ASIC2: variants seen among roughly 807,000 people sequenced by gnomAD.
The protein encoded by ASIC2 is acid sensing ion channel subunit 2.
Under a neutral mutation model 57.3 loss-of-function variants are expected in ASIC2, and 25 were observed. That is an observed-to-expected ratio of 0.44 (90% confidence interval 0.32 to 0.61). The LOEUF (loss-of-function observed/expected upper bound fraction) is 0.61. Among genes scored for constraint, ASIC2 ranks in the 20% least tolerant of loss-of-function variants. The pLI is 0.06. For missense variants in ASIC2, 641 were observed against 738.1 expected (o/e 0.87, Z 1.52); for synonymous variants, 319 against 307.5 (o/e 1.04, Z -0.39).
intron 1 of ASIC2, among the ~76,000 whole-genome samples, chr17:33,482,543 T>G (rs1449905713): frequency 1.3e-5 from 2 of 152,236 alleles, no homozygotes; most frequent in Non-Finnish European, 2.9e-5. Context: ...TATGTTCACC[T>G]TCATTTTCTC....
chr17:33,217,905 C>A (rs2142094764), intron 1 of ASIC2, among the ~76,000 whole-genome samples: 1 of 152,296 alleles, frequency 6.6e-6, no homozygotes, highest in Non-Finnish European at 1.5e-5. Context: ...TGCTAAGTAG[C>A]AGCTCCCCTC....
chr17:33,756,826 T>C (rs1055889149), intron 1 of ASIC2, among the ~76,000 whole-genome samples: 12 of 152,244 alleles, frequency 7.9e-5, no homozygotes, highest in African/African-American at 2.9e-4. Flanking sequence ...CTCTTGCTGT[T>C]GTAACACATC....
At chr17:34,027,309 G>C (rs975528198) in intron 1 of ASIC2, among the ~76,000 whole-genome samples, 2 of 152,146 alleles carry the variant, frequency 1.3e-5, no homozygotes, top group African/African-American at 4.8e-5. Context: ...AGAGTTATTT[G>C]AAGCATTCTC....
At chr17:33,215,825 G>T (rs1907459169) in intron 1 of ASIC2, among the ~76,000 whole-genome samples, 1 of 151,630 alleles carries the variant, frequency 6.6e-6, no homozygotes, top group Non-Finnish European at 1.5e-5. Context: ...TCAGCCTCGC[G>T]AGTAGCTGGG....
chr17:33,853,894 C>T (rs1014500803), intron 1 of ASIC2, among the ~76,000 whole-genome samples: 1 of 152,158 alleles, frequency 6.6e-6, no homozygotes, highest in Non-Finnish European at 1.5e-5. Flanking sequence ...ACCTTGACAC[C>T]TTAAGTTCTC....
intron 1 of ASIC2, among the ~76,000 whole-genome samples, chr17:33,159,594 C>T (rs941197675): frequency 6.6e-6 from 1 of 152,190 alleles, no homozygotes; most frequent in African/African-American, 2.4e-5. Context: ...ACATGACCTG[C>T]CTAGGCCAGT....
chr17:33,051,211 T>C (rs2091974301), intron 3 of ASIC2, among the ~76,000 whole-genome samples: 1 of 152,150 alleles, frequency 6.6e-6, no homozygotes, highest in African/African-American at 2.4e-5. Flanking sequence ...TCATCACCAT[T>C]TTACAGATTG....
At chr17:33,549,276 G>A in intron 1 of ASIC2, among the ~76,000 whole-genome samples, 1 of 152,140 alleles carries the variant, frequency 6.6e-6, no homozygotes, top group East Asian at 1.9e-4. Flanking sequence ...GAGACATAAA[G>A]GCTGCAGAAG....
At chr17:33,998,880 A>AT (rs1161322073) in intron 1 of ASIC2, among the ~76,000 whole-genome samples, 2 of 152,084 alleles carry the variant, frequency 1.3e-5, no homozygotes, top group African/African-American at 4.8e-5. Context: ...TGTTAGGTCC[A>AT]TTTGGTCTAT....
intron 1 of ASIC2, among the ~76,000 whole-genome samples, chr17:33,607,178 G>A (rs1177158866): frequency 2.0e-5 from 3 of 152,152 alleles, no homozygotes; most frequent in Non-Finnish European, 4.4e-5. Flanking sequence ...GTTTTAGGGA[G>A]CAGACCAATA....
intron 4 of ASIC2, among the ~76,000 whole-genome samples, chr17:33,026,965 G>A (rs1003016102): frequency 7.2e-5 from 11 of 151,920 alleles, no homozygotes; most frequent in African/African-American, 9.7e-5. Context: ...ATTATTATTC[G>A]TATTTAAAAC....
At chr17:33,461,568 A>G (rs1912636823) in intron 1 of ASIC2, among the ~76,000 whole-genome samples, 1 of 152,204 alleles carries the variant, frequency 6.6e-6, no homozygotes, top group African/African-American at 2.4e-5. Flanking sequence ...GAGAGCAATG[A>G]AAAAGGGCGC....
chr17:33,938,669 G>GA (rs146302195), intron 1 of ASIC2, among the ~76,000 whole-genome samples: 6,299 of 152,260 alleles, frequency 0.041, 450 homozygotes, highest in African/African-American at 0.14. Context: ...AGTGGGATTT[G>GA]ATCCAGGAGG....
intron 1 of ASIC2, among the ~76,000 whole-genome samples, chr17:33,502,148 G>A (rs62055334): frequency 0.38 from 57,168 of 151,948 alleles, 11,358 homozygotes; most frequent in Non-Finnish European, 0.45. Context: ...GCAAGGTAGG[G>A]CTATGACTTC....
intron 1 of ASIC2, among the ~76,000 whole-genome samples, chr17:33,892,643 G>A (rs1248747487): frequency 1.3e-5 from 2 of 152,122 alleles, no homozygotes; most frequent in Non-Finnish European, 2.9e-5. Context: ...AGGCACATGG[G>A]GCATCCTTGA....
At chr17:33,375,260 C>T (rs1368589807) in intron 1 of ASIC2, among the ~76,000 whole-genome samples, 1 of 151,950 alleles carries the variant, frequency 6.6e-6, no homozygotes, top group African/African-American at 2.4e-5. Context: ...CTGAAAGAAA[C>T]AAGGAAGTGA....
chr17:34,040,661 T>G (rs1418481110), intron 1 of ASIC2, among the ~76,000 whole-genome samples: 1 of 152,150 alleles, frequency 6.6e-6, no homozygotes, highest in Non-Finnish European at 1.5e-5. Context: ...CTTCATTGCA[T>G]GGTGCTGCAG....
At chr17:34,106,002 C>T (rs1451875968) in intron 1 of ASIC2, among the ~76,000 whole-genome samples, 8 of 151,960 alleles carry the variant, frequency 5.3e-5, no homozygotes, top group African/African-American at 1.9e-4. Flanking sequence ...TCTCCTGTAG[C>T]ACAGGATCCT....
At chr17:33,188,066 A>G (rs1241975900) in intron 1 of ASIC2, among the ~76,000 whole-genome samples, 1 of 152,166 alleles carries the variant, frequency 6.6e-6, no homozygotes, top group East Asian at 1.9e-4. Context: ...ATAATCATAT[A>G]TTATTTGCTC....
Sources: gnomAD v4.1 joint callset for allele counts (sites outside exome capture counted in the v4.1 genomes callset) on GRCh38, gnomAD v4.1.1 for gene constraint, MANE v1.5 for transcripts, NCBI Gene and HGNC (gene_info 2026-07-23, HGNC 2026-07-21) for gene names.